Variants in GABBR2 observed in about 807,000 individuals in gnomAD.
GABBR2 encodes gamma-aminobutyric acid type B receptor subunit 2, also known as G-protein coupled receptor 51.
Under a neutral mutation model 105.6 loss-of-function variants are expected in GABBR2, and 23 were observed. The ratio of observed to expected loss-of-function variants is 0.22; its 90% confidence interval spans 0.16 to 0.31. The LOEUF (loss-of-function observed/expected upper bound fraction) is 0.31, where lower values mean the gene tolerates loss of function less well. GABBR2 is among the 10% of genes least tolerant of loss of function. GABBR2 has a pLI of 1.00. For missense variants in GABBR2, 734 were observed against 1,245.5 expected, an observed-to-expected ratio of 0.59 and a Z score of 6.18; for synonymous variants, 478 against 499.7, an observed-to-expected ratio of 0.96 and a Z score of 0.58.
At chr9:98,680,388 C>T (rs1043449485) in intron 1 of GABBR2, among the ~76,000 whole-genome samples, 1 of 152,150 alleles carries the variant, frequency 6.6e-6, no homozygotes, top group African/African-American at 2.4e-5. Context: ...TCACTGCAAG[C>T]TCCGCCTCCC....
chr9:98,594,768 G>A lies in GABBR2; in HGVS notation c.322-16696C>T, dbSNP rs184544284. 1.0e-3 allele frequency among the ~76,000 whole-genome samples: 158 copies of A among 152,352 alleles called. No homozygotes were observed. The East Asian group carries it at 0.011, about 10-fold the overall frequency. ...ATCTGATAGGGGAGCTCACAAGCCT[G>A]GTCCTCCCTTTGTATAACAGGGAAG... On this transcript the variant is annotated intron_variant, in intron 1 of 18. Transcript: ENST00000259455.
chr9:98,651,917 G>C (rs1317378231), intron 1 of GABBR2, among the ~76,000 whole-genome samples: 1 of 152,104 alleles, frequency 6.6e-6, no homozygotes, highest in Non-Finnish European at 1.5e-5. Flanking sequence ...TGGTTTATAA[G>C]AGTACTTATC....
intron 1 of GABBR2, among the ~76,000 whole-genome samples, chr9:98,642,865 G>C (rs892642241): frequency 6.6e-6 from 1 of 152,098 alleles, no homozygotes; most frequent in African/African-American, 2.4e-5. Flanking sequence ...CTGCTCCTCT[G>C]CTCTGTTCTC....
At chr9:98,701,377 T>G (rs1481225540) in intron 1 of GABBR2, among the ~76,000 whole-genome samples, 2 of 152,184 alleles carry the variant, frequency 1.3e-5, no homozygotes, top group Non-Finnish European at 2.9e-5. Flanking sequence ...GCGCTCATAT[T>G]GCCCTCATAT....
At chr9:98,606,470 A>ATCTTTTTTTTT (rs1829422410) in intron 1 of GABBR2, among the ~76,000 whole-genome samples, 1 of 140,850 alleles carries the variant, frequency 7.1e-6, no homozygotes, top group Non-Finnish European at 1.5e-5. Flanking sequence ...GGTGTCTATT[A>ATCTTTTTTTTT]TCTTTTTTTT....
At chr9:98,546,652 C>G (rs958471219) in intron 2 of GABBR2, among the ~76,000 whole-genome samples, 1 of 152,126 alleles carries the variant, frequency 6.6e-6, no homozygotes, top group Non-Finnish European at 1.5e-5. Context: ...TCCTTTTATT[C>G]ATATTCTATT....
chr9:98,427,369 G>C (rs956189685), intron 7 of GABBR2, among the ~76,000 whole-genome samples: 25 of 152,330 alleles, frequency 1.6e-4, no homozygotes, highest in African/African-American at 5.8e-4. Flanking sequence ...GAGAATTCAA[G>C]AGTCACAGTT....
intron 11 of GABBR2, 133 bp from the exon 12 acceptor site, chr9:98,371,704 T>C (rs1831786136): frequency 1.6e-6 from 1 of 618,764 alleles, no homozygotes; most frequent in African/African-American, 1.9e-5. Flanking sequence ...TGAGTTTCAT[T>C]GGCATCTTTC....
At chr9:98,583,308 C>T (rs546858342) in intron 1 of GABBR2, among the ~76,000 whole-genome samples, 2 of 152,342 alleles carry the variant, frequency 1.3e-5, no homozygotes, top group Non-Finnish European at 2.9e-5. Context: ...GACTTTCCAG[C>T]TCACCAAAGG....
chr9:98,312,942 G>T (rs1005013892), intron 13 of GABBR2, among the ~76,000 whole-genome samples: 5 of 152,046 alleles, frequency 3.3e-5, no homozygotes, highest in Non-Finnish European at 7.4e-5. Context: ...TAGAGATGGG[G>T]TTTCACCATG....
intron 3 of GABBR2, chr9:98,538,527 T>G: frequency 9.6e-6 from 8 of 836,420 alleles, no homozygotes; most frequent in Non-Finnish European, 1.0e-5. Flanking sequence ...GAGCAGCCTC[T>G]GGGTTACCAT....
At chr9:98,528,854 G>A (rs764375365) in intron 3 of GABBR2, among the ~76,000 whole-genome samples, 3 of 152,164 alleles carry the variant, frequency 2.0e-5, no homozygotes, top group Non-Finnish European at 2.9e-5. Flanking sequence ...CTTTCTGGAG[G>A]ACAATTTGGC....
chr9:98,457,265 AT>A (rs1826340696), intron 6 of GABBR2, among the ~76,000 whole-genome samples: 1 of 152,216 alleles, frequency 6.6e-6, no homozygotes. Context: ...CTACATTCAG[AT>A]GACATTTCTA....
intron 7 of GABBR2, among the ~76,000 whole-genome samples, chr9:98,421,896 A>G (rs1046259064): frequency 3.9e-5 from 6 of 152,238 alleles, no homozygotes; most frequent in African/African-American, 1.4e-4. Flanking sequence ...ATGTAGGGGA[A>G]TATCTTTGAA....
Position 98,608,257 on chromosome 9 carries a change from C to T in GABBR2, c.322-30185G>A, listed in dbSNP as rs750420189. The T allele has an allele frequency of 5.1e-6, 3 of 592,008 alleles. No individual in the cohort carries two copies. In the Admixed American group the frequency reaches 1.0e-4, roughly 20 times the overall value. 36.7% of individuals were successfully genotyped at this position (592,008 alleles called of 1,614,324 possible). Reference sequence around the variant, plus strand: ...TATAATGATGGATTTAAGAGCATGACACACATTATTTTTGTTGTTGTTGTT... The same window carrying T: ...TATAATGATGGATTTAAGAGCATGATACACATTATTTTTGTTGTTGTTGTT... On this transcript the variant is annotated intron_variant, in intron 1 of 18. Transcript: ENST00000259455.
rs766832840 is a variant in GABBR2 at position 98,311,222 on chromosome 9, CAG to C, written c.1894-19_1894-18del. 2.7e-6 allele frequency: 4 copies of C among 1,506,822 alleles called. No homozygotes were observed. Among genetic ancestry groups the C allele is most frequent in the Non-Finnish European group, 3.7e-6 (4 of 1,082,276 alleles). 93.3% of individuals were successfully genotyped at this position (1,506,822 alleles called of 1,614,324 possible). On this transcript the variant is annotated intron_variant, in intron 13 of 18. Transcript: ENST00000259455. ...TGGGTCCGGCTGTGCAAAGAGAAAA[CAG>C]AGACTCAGGGATGGCACAGGACACT...
In GABBR2 at chr9:98,681,644, C is replaced by T. The variant is rs540169664; in HGVS notation, c.321+26773G>A. Among the ~76,000 whole-genome samples the T allele has an allele frequency of 1.5e-3, 232 of 151,926 alleles. 1 individual carries two copies. Among genetic ancestry groups the T allele is most frequent in the Middle Eastern group, 6.8e-3 (2 of 294 alleles). On this transcript the variant is annotated intron_variant, in intron 1 of 18. Coordinates refer to ENST00000259455, the MANE Select transcript of GABBR2 (RefSeq NM_005458.8). ...ATTAAGACTACTATAAAATATTTTA[C>T]CATGACAACTAAATGAATAATTACA...
intron 1 of GABBR2, among the ~76,000 whole-genome samples, chr9:98,681,828 G>A (rs1444132438): frequency 6.6e-6 from 1 of 152,090 alleles, no homozygotes; most frequent in Non-Finnish European, 1.5e-5. Flanking sequence ...ATATAAGTGG[G>A]TTATTTATAA....
intron 4 of GABBR2, among the ~76,000 whole-genome samples, chr9:98,494,885 A>G (rs1338475964): frequency 6.6e-6 from 1 of 152,244 alleles, no homozygotes; most frequent in Non-Finnish European, 1.5e-5. Flanking sequence ...TTAAACATTA[A>G]AGTCCATAGA....
Sources: gnomAD v4.1 joint callset for allele counts (sites outside exome capture counted in the v4.1 genomes callset) on GRCh38, gnomAD v4.1.1 for gene constraint, MANE v1.5 for transcripts, NCBI Gene and HGNC (gene_info 2026-07-23, HGNC 2026-07-21) for gene names.